The following TDRP variants were observed in gnomAD, a reference collection of about 807,000 sequenced individuals.
TDRP encodes the protein testis development-related protein.
A neutral mutation model predicts 10.5 loss-of-function variants in TDRP; 12 were observed. That is an observed-to-expected ratio of 1.15 (90% confidence interval 0.73 to 1.86). The LOEUF is 1.86. TDRP is among the 40% of genes most tolerant of loss of function. The pLI, the probability that TDRP is intolerant of heterozygous loss-of-function variation, is 0.00. For missense variants in TDRP, 353 were observed against 229.2 expected (o/e 1.54, Z -3.49); for synonymous variants, 139 against 95.4 (o/e 1.46, Z -2.67).
chr8:493,155 G>A (rs544814996), intron 2 of TDRP, among the ~76,000 whole-genome samples: 1 of 152,110 alleles, frequency 6.6e-6, no homozygotes, highest in Non-Finnish European at 1.5e-5. Context: ...AACACAGCAA[G>A]GTAAGGTCAA....
chr8:544,958 G>T (rs1802601648), upstream of TDRP: 1 of 287,416 alleles, frequency 3.5e-6, no homozygotes, highest in East Asian at 4.8e-5. Flanking sequence ...CCAGGACCCG[G>T]CCCGCCCCCA....
Position 491,498 on chromosome 8 carries a change from A to G in TDRP, c.*901T>C, listed in dbSNP as rs1054695545. 5.5e-5 allele frequency: 54 copies of G among 985,300 alleles called. No individual in the cohort carries two copies. The African/African-American group carries it at 8.3e-4, about 15-fold the overall frequency. The allele number at this position is 985,300 out of a possible 1,614,324, so 61.0% of individuals were successfully genotyped here. A position where few individuals can be genotyped will look rare whatever the true frequency, so the allele number is the denominator to read the frequency against. On this transcript the variant is annotated 3_prime_UTR_variant, in exon 3 of 3. Coordinates refer to ENST00000324079, the MANE Select transcript of TDRP (RefSeq NM_001384899.1). ...TTGTGGAAAAAACACAGCTTCTTAC[A>G]GATCTAACACCAATCACAATAGGCA... is the stretch of plus-strand genomic sequence containing the variant.
At chr8:497,015 T>A (rs960502716) in intron 1 of TDRP, among the ~76,000 whole-genome samples, 4 of 152,236 alleles carry the variant, frequency 2.6e-5, no homozygotes, top group Admixed American at 2.0e-4. Flanking sequence ...CTTTTCTTTA[T>A]AAATTATGCA....
In TDRP at chr8:490,152, A is replaced by G. The variant is rs1800928083; in HGVS notation, c.*2247T>C. On this transcript the variant is annotated 3_prime_UTR_variant, in exon 3 of 3. Transcript: ENST00000324079. Reference sequence around the variant, plus strand: ...ATTCTCCCATTAACTTGTGAAGATAATAAATTTGCTTTGATAACTTCTTTC... The same window carrying G: ...ATTCTCCCATTAACTTGTGAAGATAGTAAATTTGCTTTGATAACTTCTTTC... The G allele has an allele frequency of 6.6e-6, 1 of 152,236 alleles. No individual in the cohort carries two copies. Among genetic ancestry groups the G allele is most frequent in the South Asian group, 2.1e-4 (1 of 4,832 alleles). The allele number at this position is 152,236 out of a possible 1,614,324, so 9.4% of individuals were successfully genotyped here.
At chr8:508,167 C>A (rs1801515165) in intron 1 of TDRP, among the ~76,000 whole-genome samples, 1 of 151,994 alleles carries the variant, frequency 6.6e-6, no homozygotes, top group Non-Finnish European at 1.5e-5. Context: ...AGTAAAGAGA[C>A]AGAAATTATC....
At chr8:524,792 T>C (rs954512260) in intron 1 of TDRP, among the ~76,000 whole-genome samples, 1 of 152,074 alleles carries the variant, frequency 6.6e-6, no homozygotes, top group African/African-American at 2.4e-5. Flanking sequence ...TAAAAAACAA[T>C]GAGGCTTGCT....
chr8:531,617 T>C (rs1177042237), intron 1 of TDRP, among the ~76,000 whole-genome samples: 1 of 152,230 alleles, frequency 6.6e-6, no homozygotes. Flanking sequence ...CCATCTTTAA[T>C]CACAGTTACA....
At chr8:503,169 A>G (rs1008389028) in intron 1 of TDRP, among the ~76,000 whole-genome samples, 1 of 152,118 alleles carries the variant, frequency 6.6e-6, no homozygotes, top group Non-Finnish European at 1.5e-5. Flanking sequence ...ACGCATCAGA[A>G]CCCATGCCCA....
intron 1 of TDRP, among the ~76,000 whole-genome samples, chr8:544,197 G>A (rs1234217900): frequency 1.3e-5 from 2 of 152,076 alleles, no homozygotes; most frequent in Admixed American, 1.3e-4. Context: ...GAGGCCGTCC[G>A]GATGCGCGAT....
chr8:545,421 A>C, upstream of TDRP, among the ~76,000 whole-genome samples: 2 of 86,634 alleles, frequency 2.3e-5, no homozygotes, highest in Admixed American at 1.3e-4. Context: ...TCCCCCGCCG[A>C]CCCCCACTTA....
chr8:536,868 C>T (rs1007392357), intron 1 of TDRP, among the ~76,000 whole-genome samples: 1 of 152,178 alleles, frequency 6.6e-6, no homozygotes, highest in East Asian at 1.9e-4. Flanking sequence ...TCTATAATAT[C>T]GTAACTGACC....
At chr8:520,769 T>C (rs998822495) in intron 1 of TDRP, among the ~76,000 whole-genome samples, 2 of 152,212 alleles carry the variant, frequency 1.3e-5, no homozygotes, top group South Asian at 2.1e-4. Flanking sequence ...CTCAAGTCCA[T>C]TGCCCATTTT....
chr8:495,176 G>T (rs1801091128), intron 1 of TDRP, among the ~76,000 whole-genome samples: 1 of 152,184 alleles, frequency 6.6e-6, no homozygotes, highest in East Asian at 1.9e-4. Flanking sequence ...CAAGGCTGCA[G>T]AGAACTGTGA....
intron 1 of TDRP, among the ~76,000 whole-genome samples, chr8:505,780 C>G (rs948162585): frequency 6.6e-6 from 1 of 152,202 alleles, no homozygotes; most frequent in Non-Finnish European, 1.5e-5. Context: ...TAAACACCCT[C>G]CGATGAACAT....
chr8:517,221 T>C (rs924224769), intron 1 of TDRP, among the ~76,000 whole-genome samples: 3 of 152,116 alleles, frequency 2.0e-5, no homozygotes, highest in Non-Finnish European at 4.4e-5. Flanking sequence ...TGGTACAGCA[T>C]CACATGACAG....
chr8:531,899 G>C (rs1367104320), intron 1 of TDRP, among the ~76,000 whole-genome samples: 1 of 152,146 alleles, frequency 6.6e-6, no homozygotes, highest in East Asian at 1.9e-4. Flanking sequence ...TAAGAAATTG[G>C]AACAGGAATG....
chr8:515,916 G>T (rs182446219), intron 1 of TDRP, among the ~76,000 whole-genome samples: 104 of 151,656 alleles, frequency 6.9e-4, no homozygotes, highest in Non-Finnish European at 7.4e-4. Context: ...GAATATAAAA[G>T]AAATAAAAAA....
At chr8:522,019 T>A (rs79426078) in intron 1 of TDRP, among the ~76,000 whole-genome samples, 1,941 of 152,328 alleles carry the variant, frequency 0.013, 46 homozygotes, top group African/African-American at 0.045. Context: ...GGATTTTTCA[T>A]TATTAGTGTA....
Position 494,520 on chromosome 8 carries a change from T to A in TDRP, c.186A>T (p.Glu62Asp). 6.2e-7 allele frequency: 1 copy of A among 1,613,982 alleles called. No individual in the cohort carries two copies. Among genetic ancestry groups the A allele is most frequent in the Non-Finnish European group, 8.5e-7 (1 of 1,179,880 alleles). The change falls in exon 2 of 3, where the codon GAA (glutamate) becomes GAT (aspartate). Residue 62 changes from glutamate (E) to aspartate (D), a missense_variant. Coordinates refer to ENST00000324079, the MANE Select transcript of TDRP (RefSeq NM_001384899.1). ...FNKDDEQHLL[E>D]RCKSPKSKGT... ...CTTTGGACTTGGGAGATTTACATCT[T>A]TCCAGGAGATGCTGCTCATCATCTT...
Sources: allele counts gnomAD v4.1 joint callset (sites outside exome capture counted in the v4.1 genomes callset), GRCh38; gene constraint gnomAD v4.1.1; transcripts MANE v1.5; gene names NCBI Gene and HGNC (gene_info 2026-07-23, HGNC 2026-07-21).